The following LEPR variants were observed in gnomAD, a reference collection of about 807,000 sequenced individuals.
The protein encoded by LEPR is leptin receptor, also known as OB receptor.
In LEPR, 56 loss-of-function variants were observed where a neutral mutation model predicts 114.7. That is an observed-to-expected ratio of 0.49 (90% CI 0.39 to 0.61). The LOEUF is 0.61. LEPR is among the 20% of genes least tolerant of loss of function. LEPR has a pLI of 0.00. For missense variants in LEPR, 1,202 were observed against 1,352.9 expected (o/e 0.89, Z 1.75); for synonymous variants, 443 against 461.4 (o/e 0.96, Z 0.51).
At position 65,598,824 on chromosome 1, in the gene LEPR, C is replaced by T; in HGVS notation, c.994+20C>T. 6.2e-7 allele frequency: 1 copy of T among 1,612,852 alleles called. No individual in the cohort carries two copies. Among genetic ancestry groups the T allele is most frequent in the South Asian group, 1.1e-5 (1 of 91,046 alleles). On this transcript the variant is annotated intron_variant, in intron 8 of 19. Transcript: ENST00000349533. ...CACAAGGTAGGTTATGTAATAGCCACTTCTACTGGGAGGGAAATATATTTC... is the reference window on the plus strand; with the variant it reads ...CACAAGGTAGGTTATGTAATAGCCATTTCTACTGGGAGGGAAATATATTTC...
chr1:65,475,006 C>CAAAA (rs1325552861), intron 2 of LEPR, among the ~76,000 whole-genome samples: 32 of 23,856 alleles, frequency 1.3e-3, no homozygotes, highest in Non-Finnish European at 1.6e-3. Flanking sequence ...GACTCCATCT[C>CAAAA]AAAAAAAAAA....
At chr1:65,433,265 G>A in intron 2 of LEPR, 1 of 985,300 alleles carries the variant, frequency 1.0e-6, no homozygotes, top group Non-Finnish European at 1.2e-6. Flanking sequence ...AGCACGCAGT[G>A]GGTGAACTGC....
rs544538100 is a variant in LEPR at position 65,550,805 on chromosome 1, G to A, written c.-20-14741G>A. ...AATGCCTTGCCCTGCTTTGGCTCGCGCACAGCGCGCTGCACCCACTGTCCT... is the reference window on the plus strand; with the variant it reads ...AATGCCTTGCCCTGCTTTGGCTCGCACACAGCGCGCTGCACCCACTGTCCT... On this transcript the variant is annotated intron_variant, in intron 2 of 19. Coordinates refer to ENST00000349533, the MANE Select transcript of LEPR (RefSeq NM_002303.6). Among the ~76,000 whole-genome samples the A allele has an allele frequency of 4.6e-5, 7 of 152,224 alleles. No individual in the cohort carries two copies. In the East Asian group the frequency reaches 7.8e-4, roughly 17 times the overall value.
At chr1:65,507,322 A>T (rs1570578074) in intron 2 of LEPR, among the ~76,000 whole-genome samples, 1 of 152,024 alleles carries the variant, frequency 6.6e-6, no homozygotes, top group Admixed American at 6.5e-5. Context: ...AAGTGCTGGG[A>T]TGATAGGTGT....
chr1:65,449,189 A>G (rs1646749071), intron 2 of LEPR, among the ~76,000 whole-genome samples: 1 of 150,414 alleles, frequency 6.6e-6, no homozygotes, highest in Non-Finnish European at 1.5e-5. Flanking sequence ...CTCATTTCTG[A>G]TATTAGGAAT....
intron 2 of LEPR, among the ~76,000 whole-genome samples, chr1:65,444,261 C>G (rs188517989): frequency 7.2e-5 from 11 of 152,198 alleles, no homozygotes; most frequent in Non-Finnish European, 1.6e-4. Context: ...TGCATCTCTT[C>G]CTTCTGAGGG....
rs550296857 is a variant in LEPR, at chr1:65,549,662, A to G, written c.-20-15884A>G. On this transcript the variant is annotated intron_variant, in intron 2 of 19. Transcript: ENST00000349533. ...TTCTCGAGCCTTGGCTTTCAGCTCTATCAGCTCCTTTAAGCACTTCTCTGT... is the reference window on the plus strand; with the variant it reads ...TTCTCGAGCCTTGGCTTTCAGCTCTGTCAGCTCCTTTAAGCACTTCTCTGT... 5.8e-4 allele frequency among the ~76,000 whole-genome samples: 89 copies of G among 152,226 alleles called. 1 individual carries two copies. The highest frequency in any genetic ancestry group is 1.1e-3 in the Non-Finnish European group (77 of 68,014).
At position 65,567,938 on chromosome 1, in the gene LEPR, A is replaced by G. The variant is rs143993469; in HGVS notation, c.40+2333A>G. Among the ~76,000 whole-genome samples the G allele has an allele frequency of 5.9e-3, 896 of 151,528 alleles. 7 individuals are homozygous for G. The highest frequency in any genetic ancestry group is 0.021 in the African/African-American group (861 of 41,272). On this transcript the variant is annotated intron_variant, in intron 3 of 19. Transcript: ENST00000349533. ...TTGTCACTCAAAGTCCATAGTTTAC[A>G]TTATGGTTCACTCTTGGTGTTGTAT...
At chr1:65,634,981 A>G (rs1658665055) in intron 19 of LEPR, 2 of 820,764 alleles carry the variant, frequency 2.4e-6, no homozygotes, top group South Asian at 1.1e-4. Flanking sequence ...CAGTATTTTA[A>G]TACCTACATA....
At chr1:65,630,873 G>C (rs1221508455) in intron 19 of LEPR, among the ~76,000 whole-genome samples, 1 of 151,994 alleles carries the variant, frequency 6.6e-6, no homozygotes, top group African/African-American at 2.4e-5. Flanking sequence ...ACCAATTCGA[G>C]GATTTTTGTT....
intron 19 of LEPR, 108 bp downstream of exon 19, chr1:65,623,089 T>C: frequency 9.4e-7 from 1 of 1,061,772 alleles, no homozygotes; most frequent in East Asian, 2.6e-5. Flanking sequence ...TCATATTTTA[T>C]TCAATTCATC....
intron 2 of LEPR, among the ~76,000 whole-genome samples, chr1:65,530,115 A>G (rs975081908): frequency 2.0e-5 from 3 of 152,136 alleles, no homozygotes; most frequent in Non-Finnish European, 4.4e-5. Context: ...AATTCTCCAC[A>G]TGGAATCTTC....
intron 5 of LEPR, chr1:65,576,681 C>T (rs1212670457): frequency 6.2e-6 from 1 of 161,744 alleles, no homozygotes; most frequent in East Asian, 1.9e-4. Context: ...TTTTCCTCTC[C>T]AGATTAAGTC....
At chr1:65,487,579 C>G (rs1454797031) in intron 2 of LEPR, among the ~76,000 whole-genome samples, 1 of 151,756 alleles carries the variant, frequency 6.6e-6, no homozygotes, top group African/African-American at 2.4e-5. Context: ...GAAAAGTTGA[C>G]CATATTTAAA....
chr1:65,564,962 A>G (rs1653624183), intron 2 of LEPR, among the ~76,000 whole-genome samples: 2 of 152,248 alleles, frequency 1.3e-5, no homozygotes, highest in Non-Finnish European at 2.9e-5. Context: ...ATGTGGGTAT[A>G]TTAAGCCACC....
chr1:65,622,434 G>A (rs1657943603), intron 18 of LEPR, among the ~76,000 whole-genome samples: 1 of 146,004 alleles, frequency 6.8e-6, no homozygotes, highest in South Asian at 2.1e-4. Flanking sequence ...TGGGTGCCAT[G>A]ATACTCTCTG....
intron 2 of LEPR, among the ~76,000 whole-genome samples, chr1:65,468,934 C>T (rs987802290): frequency 1.3e-5 from 2 of 152,116 alleles, no homozygotes; most frequent in Non-Finnish European, 2.9e-5. Flanking sequence ...TGTTCAGTGC[C>T]GGGTGATTTT....
intron 2 of LEPR, among the ~76,000 whole-genome samples, chr1:65,538,673 T>C (rs972074769): frequency 1.3e-5 from 2 of 152,116 alleles, no homozygotes; most frequent in Non-Finnish European, 2.9e-5. Context: ...GGATGAAACA[T>C]TTGTTTTCCA....
chr1:65,551,058 G>A (rs1186627894), intron 2 of LEPR, among the ~76,000 whole-genome samples: 1 of 152,114 alleles, frequency 6.6e-6, no homozygotes, highest in Non-Finnish European at 1.5e-5. Context: ...GCATCCTAGA[G>A]ATGAAGCCGA....
Sources: gnomAD v4.1 joint callset for allele counts (sites outside exome capture counted in the v4.1 genomes callset) on GRCh38, gnomAD v4.1.1 for gene constraint, MANE v1.5 for transcripts, NCBI Gene and HGNC (gene_info 2026-07-23, HGNC 2026-07-21) for gene names.